Variants in RABGEF1 observed in about 807,000 individuals in gnomAD.
RABGEF1 encodes the protein rab5 GDP/GTP exchange factor.
RABGEF1 carries 26 observed loss-of-function variants against 57.3 expected under a neutral mutation model. The observed-to-expected ratio is 0.45, with a 90% CI of 0.33 to 0.63. RABGEF1 has a LOEUF of 0.63. Among genes scored for constraint, RABGEF1 ranks in the 20% least tolerant of loss-of-function variants. RABGEF1 has a pLI of 0.02. For synonymous variants in RABGEF1, 185 were observed against 210.7 expected (o/e 0.88, Z 1.06); for missense variants, 464 against 607.6 (o/e 0.76, Z 2.48).
chr7:66,802,378 C>T (rs1420878397), intron 7 of RABGEF1, among the ~76,000 whole-genome samples: 1 of 152,156 alleles, frequency 6.6e-6, no homozygotes, highest in Non-Finnish European at 1.5e-5. Context: ...CCTTTGTTTT[C>T]ACAACTCCAT....
rs73379717 is a variant in RABGEF1 at position 66,794,015 on chromosome 7, C to T, written c.514-1496C>T. Among the ~76,000 whole-genome samples, 395 of 152,262 alleles carry T rather than the reference C, an allele frequency of 2.6e-3. 1 individual carries two copies. The highest frequency in any genetic ancestry group is 9.2e-3 in the African/African-American group (382 of 41,518). ...ATTTTTGATTTTGGTGTCAGAATTT[C>T]ACCCGAATAATTTGTTTGCTTTCAT... is the stretch of plus-strand genomic sequence containing the variant. On this transcript the variant is annotated intron_variant, in intron 4 of 8. Coordinates refer to ENST00000284957, the MANE Select transcript of RABGEF1 (RefSeq NM_014504.3).
In RABGEF1 at chr7:66,776,570, G is replaced by T. The variant is rs538162686; in HGVS notation, c.346+1177G>T. Among the ~76,000 whole-genome samples, 147 of 152,272 alleles carry T rather than the reference G, an allele frequency of 9.7e-4. 1 individual carries two copies. Among genetic ancestry groups the T allele is most frequent in the Non-Finnish European group, 1.2e-3 (84 of 68,032 alleles). On this transcript the variant is annotated intron_variant, in intron 3 of 8. Coordinates refer to ENST00000284957, the MANE Select transcript of RABGEF1 (RefSeq NM_014504.3). Reference sequence around the variant, plus strand: ...CATCCAGGCACAGTGGCATGTGCCTGTAGTTCCAGCTGAGGCCAGAAGGCT... The same window carrying T: ...CATCCAGGCACAGTGGCATGTGCCTTTAGTTCCAGCTGAGGCCAGAAGGCT...
chr7:66,766,110 A>G (rs1244624911), intron 1 of RABGEF1, among the ~76,000 whole-genome samples: 1 of 152,158 alleles, frequency 6.6e-6, no homozygotes, highest in African/African-American at 2.4e-5. Context: ...CATACTAAGT[A>G]TAGGCTTACT....
chr7:66,691,517 A>G (rs1445138310), intron 1 of RABGEF1, among the ~76,000 whole-genome samples: 1 of 152,160 alleles, frequency 6.6e-6, no homozygotes, highest in Non-Finnish European at 1.5e-5. Context: ...AAACATATAC[A>G]CATGGTCTGT....
intron 2 of RABGEF1, among the ~76,000 whole-genome samples, chr7:66,719,452 C>T (rs1397320201): frequency 6.6e-6 from 1 of 152,132 alleles, no homozygotes; most frequent in African/African-American, 2.4e-5. Flanking sequence ...CACCTCGGCC[C>T]CCCGCAGTGT....
intron 1 of RABGEF1, among the ~76,000 whole-genome samples, chr7:66,751,032 CTTTTTTTTT>C (rs765625657): frequency 7.0e-6 from 1 of 142,870 alleles, no homozygotes; most frequent in Non-Finnish European, 1.5e-5. Context: ...CTCTTTTTTT[CTTTTTTTTT>C]TTTTTGAGAC....
At chr7:66,808,827 A>AT in intron 8 of RABGEF1, 59 bp from the exon 9 acceptor site, 1 of 1,425,360 alleles carries the variant, frequency 7.0e-7, no homozygotes, top group East Asian at 2.3e-5. Flanking sequence ...ATTTTTACAA[A>AT]TCGACTCGAG....
At chr7:66,702,052 C>T (rs140573300) in intron 1 of RABGEF1, among the ~76,000 whole-genome samples, 85 of 152,308 alleles carry the variant, frequency 5.6e-4, no homozygotes, top group African/African-American at 1.9e-3. Flanking sequence ...TAAGCTGTCA[C>T]TCCCCAATCT....
At chr7:66,707,137 T>C (rs953441532) in intron 1 of RABGEF1, among the ~76,000 whole-genome samples, 1 of 152,240 alleles carries the variant, frequency 6.6e-6, no homozygotes, top group African/African-American at 2.4e-5. Context: ...TTTGTGAGTT[T>C]TCCAAATATC....
At chr7:66,668,422 C>G in the RABGEF1 span, among the ~76,000 whole-genome samples, 1 of 152,166 alleles carries the variant, frequency 6.6e-6, no homozygotes, top group Admixed American at 6.6e-5. Context: ...AGACATGAGA[C>G]TGAGAGAATG....
At chr7:66,684,952 A>C (rs1232315132) in intron 1 of RABGEF1, among the ~76,000 whole-genome samples, 1 of 151,790 alleles carries the variant, frequency 6.6e-6, no homozygotes, top group Non-Finnish European at 1.5e-5. Flanking sequence ...TTTTGTAGAG[A>C]TGGAATCCCT....
chr7:66,694,140 C>G (rs185208712), intron 1 of RABGEF1, among the ~76,000 whole-genome samples: 3 of 152,172 alleles, frequency 2.0e-5, no homozygotes, highest in African/African-American at 7.2e-5. Context: ...TCCCTCTGCT[C>G]CAAGCCTGCA....
At chr7:66,791,812 C>G (rs1467314008) in intron 4 of RABGEF1, among the ~76,000 whole-genome samples, 1 of 152,132 alleles carries the variant, frequency 6.6e-6, no homozygotes, top group Non-Finnish European at 1.5e-5. Flanking sequence ...GACAACTTTA[C>G]TCAGATGTTA....
intron 7 of RABGEF1, among the ~76,000 whole-genome samples, chr7:66,802,224 GA>G (rs1787450838): frequency 6.6e-6 from 1 of 152,186 alleles, no homozygotes; most frequent in Non-Finnish European, 1.5e-5. Flanking sequence ...ACAGCTGTGG[GA>G]GTACTACTAA....
intron 1 of RABGEF1, among the ~76,000 whole-genome samples, chr7:66,706,222 T>C (rs990954005): frequency 1.3e-5 from 2 of 152,222 alleles, no homozygotes; most frequent in African/African-American, 4.8e-5. Flanking sequence ...TTCATTCTTT[T>C]GATGGACGCT....
intron 2 of RABGEF1, among the ~76,000 whole-genome samples, chr7:66,734,819 G>A (rs1431775397): frequency 6.6e-6 from 1 of 152,050 alleles, no homozygotes; most frequent in African/African-American, 2.4e-5. Context: ...ACTGCTGGTC[G>A]CTGTGGCTTC....
intron 2 of RABGEF1, among the ~76,000 whole-genome samples, chr7:66,774,369 C>T (rs1017829499): frequency 1.3e-5 from 2 of 152,192 alleles, no homozygotes; most frequent in South Asian, 2.1e-4. Context: ...GATCTGACAG[C>T]GATAACTCCT....
chr7:66,655,102 A>G, the RABGEF1 span, among the ~76,000 whole-genome samples: 1 of 152,166 alleles, frequency 6.6e-6, no homozygotes, highest in African/African-American at 2.4e-5. Context: ...TGGCCGCGAC[A>G]GGGGCGCCGG....
chr7:66,683,504 A>G (rs1790107347), intron 1 of RABGEF1, among the ~76,000 whole-genome samples: 1 of 152,186 alleles, frequency 6.6e-6, no homozygotes, highest in African/African-American at 2.4e-5. Context: ...GAGAAGGGAC[A>G]GTCAAGATAC....
Sources: gnomAD v4.1 joint callset for allele counts (sites outside exome capture counted in the v4.1 genomes callset) on GRCh38, gnomAD v4.1.1 for gene constraint, MANE v1.5 for transcripts, NCBI Gene and HGNC (gene_info 2026-07-23, HGNC 2026-07-21) for gene names.